Variants in RIMS2 observed in about 807,000 individuals in gnomAD.
RIMS2 encodes the protein regulating synaptic membrane exocytosis protein 2.
RIMS2 carries 59 observed loss-of-function variants against 174.4 expected under a neutral mutation model. That is an observed-to-expected ratio of 0.34 (90% confidence interval 0.27 to 0.42). The LOEUF (loss-of-function observed/expected upper bound fraction) is 0.42, where lower values mean the gene tolerates loss of function less well. RIMS2 is among the 10% of genes least tolerant of loss of function. The pLI is 1.00. For synonymous variants in RIMS2, 606 were observed against 572.5 expected, an observed-to-expected ratio of 1.06 and a Z score of -0.84; for missense variants, 1,620 against 1,666.3, an observed-to-expected ratio of 0.97 and a Z score of 0.48.
chr8:103,619,677 A>G (rs939861863), intron 1 of RIMS2, among the ~76,000 whole-genome samples: 5 of 152,170 alleles, frequency 3.3e-5, no homozygotes, highest in African/African-American at 1.2e-4. Flanking sequence ...CTCTGTGTAA[A>G]TGTAAACCTA....
chr8:103,970,651 C>A (rs2092759067), intron 15 of RIMS2, among the ~76,000 whole-genome samples: 1 of 152,136 alleles, frequency 6.6e-6, no homozygotes, highest in South Asian at 2.1e-4. Context: ...GGCACTGGTT[C>A]CCACACTGCT....
chr8:103,704,019 A>G (rs561078399), intron 2 of RIMS2, among the ~76,000 whole-genome samples: 80 of 152,088 alleles, frequency 5.3e-4, no homozygotes, highest in Admixed American at 1.1e-3. Flanking sequence ...TTCCAATACT[A>G]TATTGAATAA....
At chr8:103,612,120 C>A (rs1374926566) in intron 1 of RIMS2, among the ~76,000 whole-genome samples, 3 of 152,232 alleles carry the variant, frequency 2.0e-5, no homozygotes, top group African/African-American at 7.2e-5. Flanking sequence ...TCTAGAATTT[C>A]TGCTTGATTT....
At chr8:104,173,764 G>A (rs567453142) in intron 19 of RIMS2, among the ~76,000 whole-genome samples, 265 of 150,120 alleles carry the variant, frequency 1.8e-3, no homozygotes, top group Non-Finnish European at 3.0e-3. Context: ...GAGTAGCTGG[G>A]ACTACAGGCA....
intron 1 of RIMS2, among the ~76,000 whole-genome samples, chr8:103,540,218 A>C (rs576729924): frequency 6.6e-6 from 1 of 152,234 alleles, no homozygotes; most frequent in East Asian, 1.9e-4. Context: ...GCCACCACCA[A>C]CATGAGTGGG....
chr8:104,255,878 T>G (rs2099366805), downstream of RIMS2: 1 of 152,226 alleles, frequency 6.6e-6, no homozygotes, highest in South Asian at 2.1e-4. Flanking sequence ...ACAACAAGTC[T>G]GTGCCACACA....
intron 17 of RIMS2, among the ~76,000 whole-genome samples, chr8:103,990,633 A>G (rs557397100): frequency 1.3e-5 from 2 of 152,170 alleles, no homozygotes; most frequent in South Asian, 2.1e-4. Flanking sequence ...GAAAGGAGTC[A>G]TATTAGGATG....
At chr8:103,735,516 T>A (rs2097674450) in intron 2 of RIMS2, among the ~76,000 whole-genome samples, 1 of 152,210 alleles carries the variant, frequency 6.6e-6, no homozygotes, top group African/African-American at 2.4e-5. Flanking sequence ...GATTCTGTTT[T>A]TATGATTGCT....
intron 3 of RIMS2, among the ~76,000 whole-genome samples, chr8:103,801,246 C>G (rs1338936430): frequency 2.0e-5 from 3 of 152,190 alleles, no homozygotes; most frequent in African/African-American, 7.2e-5. Context: ...CTCCGCCTCC[C>G]AAAGTGCTGG....
rs3042459 is a variant in RIMS2 at position 103,508,457 on chromosome 8, T to TA, written c.176+7413dup. ...TTTGCCCCCAAAACCTTTCATTTGT[T>TA]AAAAAAAAAAAAAAAAAAGAAGACG... On this transcript the variant is annotated intron_variant, in intron 1 of 23. Coordinates refer to ENST00000504942, the Ensembl canonical transcript of RIMS2. Among the ~76,000 whole-genome samples the TA allele has an allele frequency of 6.3e-3, 885 of 141,166 alleles. 14 individuals are homozygous for TA. Among genetic ancestry groups the TA allele is most frequent in the African/African-American group, 0.021 (795 of 38,714 alleles). The allele number at this position is 141,166 out of a possible 152,430, so 92.6% of individuals were successfully genotyped here.
intron 2 of RIMS2, among the ~76,000 whole-genome samples, chr8:103,733,268 C>A (rs369829077): frequency 1.1e-4 from 17 of 152,020 alleles, no homozygotes; most frequent in African/African-American, 3.9e-4. Flanking sequence ...CTGCCTGGTA[C>A]CCTGTTCTAC....
At chr8:103,694,041 G>A (rs2137168685) in intron 1 of RIMS2, among the ~76,000 whole-genome samples, 1 of 152,260 alleles carries the variant, frequency 6.6e-6, no homozygotes, top group Middle Eastern at 3.4e-3. Context: ...GTCCGCAAGA[G>A]TGGATTTGGA....
At chr8:104,228,767 C>A (rs1024988507) in intron 19 of RIMS2, among the ~76,000 whole-genome samples, 1 of 152,212 alleles carries the variant, frequency 6.6e-6, no homozygotes, top group East Asian at 1.9e-4. Flanking sequence ...TACTATGGTT[C>A]TTTTTATAGG....
chr8:103,900,291 T>G (rs1390941138), intron 4 of RIMS2, among the ~76,000 whole-genome samples: 2 of 151,644 alleles, frequency 1.3e-5, no homozygotes, highest in African/African-American at 2.4e-5. Context: ...TGGTGTGATC[T>G]CAGCTCACTA....
intron 2 of RIMS2, among the ~76,000 whole-genome samples, chr8:103,743,754 A>G (rs777722683): frequency 4.6e-5 from 7 of 152,208 alleles, no homozygotes; most frequent in Non-Finnish European, 1.0e-4. Flanking sequence ...GTGTTTTGAT[A>G]TATAATCTTT....
intron 3 of RIMS2, among the ~76,000 whole-genome samples, chr8:103,779,851 A>T (rs1189817937): frequency 6.6e-6 from 1 of 151,598 alleles, no homozygotes; most frequent in Admixed American, 6.6e-5. Context: ...ATATATACAT[A>T]CGTAACAAAC....
At chr8:104,011,795 A>G (rs1316297525) in intron 17 of RIMS2, among the ~76,000 whole-genome samples, 1 of 152,028 alleles carries the variant, frequency 6.6e-6, no homozygotes, top group Non-Finnish European at 1.5e-5. Flanking sequence ...TGAATCTTTA[A>G]ATAAATGTAA....
intron 19 of RIMS2, among the ~76,000 whole-genome samples, chr8:104,138,414 T>G (rs1400542825): frequency 6.6e-6 from 1 of 152,190 alleles, no homozygotes; most frequent in Non-Finnish European, 1.5e-5. Context: ...GGGTTCCCTT[T>G]TTTGCACATT....
chr8:103,928,866 T>TTTGGGGGAATCAACAGCTATATG (rs2079307175), intron 11 of RIMS2, among the ~76,000 whole-genome samples: 1 of 151,430 alleles, frequency 6.6e-6, no homozygotes, highest in Admixed American at 6.6e-5. Flanking sequence ...GATATGTTTG[T>TTTGGGGGAATCAACAGCTATATG]TATATTTGGG....
Sources: allele counts gnomAD v4.1 joint callset (sites outside exome capture counted in the v4.1 genomes callset), GRCh38; gene constraint gnomAD v4.1.1; transcripts MANE v1.5; gene names NCBI Gene and HGNC (gene_info 2026-07-23, HGNC 2026-07-21).